SNRPC: variants seen among roughly 807,000 people sequenced by gnomAD.
SNRPC encodes the protein U1 small nuclear ribonucleoprotein C.
A neutral mutation model predicts 20.0 loss-of-function variants in SNRPC; 5 were observed. The observed-to-expected ratio is 0.25, with a 90% CI of 0.13 to 0.53. The LOEUF (loss-of-function observed/expected upper bound fraction) is 0.53, where lower values mean the gene tolerates loss of function less well. Among genes scored for constraint, SNRPC ranks in the 20% least tolerant of loss-of-function variants. The probability of loss-of-function intolerance (pLI) is 0.96; values close to 1 mark genes in which losing one functional copy is unlikely to be tolerated. For synonymous variants in SNRPC, 61 were observed against 58.7 expected (o/e 1.04, Z -0.18); for missense variants, 112 against 224.1 (o/e 0.50, Z 3.19).
intron 2 of SNRPC, among the ~76,000 whole-genome samples, chr6:34,759,886 C>G (rs1224953526): frequency 6.6e-6 from 1 of 152,148 alleles, no homozygotes; most frequent in Non-Finnish European, 1.5e-5. Context: ...AATCATAACT[C>G]TTTTTACAGC....
chr6:34,759,147 T>C (rs181910796), intron 2 of SNRPC, among the ~76,000 whole-genome samples: 73 of 152,276 alleles, frequency 4.8e-4, no homozygotes, highest in Non-Finnish European at 8.4e-4. Flanking sequence ...TTTTCCAAAA[T>C]TCTGATTTTT....
chr6:34,770,280 C>A lies in SNRPC; in HGVS notation c.251-11C>A. The A allele has an allele frequency of 1.3e-6, 2 of 1,579,298 alleles. No homozygotes were observed. Among genetic ancestry groups the A allele is most frequent in the Non-Finnish European group, 1.7e-6 (2 of 1,148,428 alleles). On this transcript the variant is annotated splice_polypyrimidine_tract_variant and intron_variant, in intron 4 of 5. Transcript: ENST00000244520. ...GCACACCTTAACCACAGGCTCCATT[C>A]TTTATTTCAGCGGGTCCTCCTCGCC...
chr6:34,760,528 G>C (rs972072096), intron 2 of SNRPC, among the ~76,000 whole-genome samples: 1 of 152,088 alleles, frequency 6.6e-6, no homozygotes, highest in African/African-American at 2.4e-5. Flanking sequence ...AATTGTTAAT[G>C]AGGGGGCTGT....
intron 3 of SNRPC, among the ~76,000 whole-genome samples, chr6:34,764,407 C>T (rs760974034): frequency 5.7e-4 from 86 of 151,198 alleles, no homozygotes; most frequent in Non-Finnish European, 9.4e-4. Flanking sequence ...ACCTGGGAGG[C>T]GGAGGTTGGG....
At position 34,758,212 on chromosome 6, in the gene SNRPC, A is replaced by T. The variant is rs182242769; in HGVS notation, c.51+258A>T. Among the ~76,000 whole-genome samples, 661 of 152,302 alleles carry T rather than the reference A, an allele frequency of 4.3e-3. 3 individuals are homozygous for T. The highest frequency in any genetic ancestry group is 8.5e-3 in the South Asian group (41 of 4,820). On this transcript the variant is annotated intron_variant, in intron 2 of 5. Coordinates refer to ENST00000244520, the MANE Select transcript of SNRPC (RefSeq NM_003093.3). ...GAGGTGAGAGAATTGCTTGAGGTCC[A>T]GGCTGCAGTGAGGCATGATCAGGCA... is the stretch of plus-strand genomic sequence containing the variant.
intron 2 of SNRPC, among the ~76,000 whole-genome samples, chr6:34,760,396 T>C (rs1287308005): frequency 6.6e-6 from 1 of 152,078 alleles, no homozygotes; most frequent in Non-Finnish European, 1.5e-5. Context: ...TTATCATACA[T>C]TGTCCTAGAA....
chr6:34,768,973 C>A (rs377004663), intron 4 of SNRPC, among the ~76,000 whole-genome samples: 7 of 152,144 alleles, frequency 4.6e-5, no homozygotes, highest in Admixed American at 3.3e-4. Context: ...TGCACACAAT[C>A]ACGGGTATAA....
At position 34,773,688 on chromosome 6, in the gene SNRPC, C is replaced by G. The variant is rs1375485465; in HGVS notation, c.*118C>G. The G allele has an allele frequency of 2.4e-6, 2 of 818,958 alleles. No individual in the cohort carries two copies. The highest frequency in any genetic ancestry group is 3.7e-6 in the Non-Finnish European group (2 of 540,916). The allele number at this position is 818,958 out of a possible 1,614,324, so 50.7% of individuals were successfully genotyped here. ...GCATAAGGAAGACTTGCTCCCCTGTCCTATGAAAGAGAATAGTTTTGGAGG... is the reference window on the plus strand; with the variant it reads ...GCATAAGGAAGACTTGCTCCCCTGTGCTATGAAAGAGAATAGTTTTGGAGG... On this transcript the variant is annotated 3_prime_UTR_variant, in exon 6 of 6. Transcript: ENST00000244520. The surrounding 1 kb of genome is among the most constrained non-coding windows in gnomAD (Gnocchi z 4.1).
intron 3 of SNRPC, among the ~76,000 whole-genome samples, chr6:34,764,883 T>G (rs1010930903): frequency 2.6e-5 from 4 of 151,722 alleles, no homozygotes; most frequent in African/African-American, 9.7e-5. Context: ...TACCTGGGTG[T>G]GGTGGCACAT....
Position 34,770,294 on chromosome 6 carries a change from GT to G in SNRPC, c.255del (p.Pro86LeufsTer6). 1 of 1,606,578 alleles carries G rather than the reference GT, an allele frequency of 6.2e-7. No homozygotes were observed. The highest frequency in any genetic ancestry group is 8.5e-7 in the Non-Finnish European group (1 of 1,173,192). On this transcript the variant is annotated frameshift_variant, in exon 5 of 6. Transcript: ENST00000244520. LOFTEE classifies it high-confidence loss of function. ...AMIPPPPSLP[G>X]PPRPGMMPAP... ...CAGGCTCCATTCTTTATTTCAGCGG[GT>G]CCTCCTCGCCCTGGTATGATGCCAG... is the stretch of plus-strand genomic sequence containing the variant.
chr6:34,764,487 A>AC (rs1248513657), intron 3 of SNRPC, among the ~76,000 whole-genome samples: 8 of 147,360 alleles, frequency 5.4e-5, no homozygotes, highest in East Asian at 2.0e-4. Context: ...AAAAACAAAC[A>AC]AAAAAAAACA....
chr6:34,758,811 G>A (rs531507595), intron 2 of SNRPC, among the ~76,000 whole-genome samples: 9 of 151,972 alleles, frequency 5.9e-5, no homozygotes, highest in Admixed American at 2.6e-4. Flanking sequence ...CGGATCACGA[G>A]GTCAGGAGAT....
At chr6:34,769,672 A>G (rs140047129) in intron 4 of SNRPC, among the ~76,000 whole-genome samples, 2 of 152,122 alleles carry the variant, frequency 1.3e-5, no homozygotes, top group African/African-American at 4.8e-5. Context: ...GCTTTTTGTC[A>G]GGAGCTCTAT....
At chr6:34,759,983 T>C (rs1049069953) in intron 2 of SNRPC, among the ~76,000 whole-genome samples, 1 of 152,206 alleles carries the variant, frequency 6.6e-6, no homozygotes, top group African/African-American at 2.4e-5. Context: ...GCCAGTGATT[T>C]TTCTATTGTC....
Position 34,762,603 on chromosome 6 carries a change from G to T in SNRPC, c.60G>T (p.Val20=). ...DTYLTHDSPS[V]RKTHCSGRKH... Reference sequence around the variant, plus strand: ...ATCTTTTTATTTTACAGCCATCTGTGAGAAAGACACACTGCAGTGGAAGGA... The same window carrying T: ...ATCTTTTTATTTTACAGCCATCTGTTAGAAAGACACACTGCAGTGGAAGGA... Residue 20 remains valine (V), a synonymous_variant, in exon 3 of 6, where the codon GTG becomes GTT. Transcript: ENST00000244520. 6.4e-7 allele frequency: 1 copy of T among 1,559,066 alleles called. No individual in the cohort carries two copies. Among genetic ancestry groups the T allele is most frequent in the South Asian group, 1.1e-5 (1 of 89,634 alleles).
chr6:34,762,833 G>A, intron 3 of SNRPC, 130 bp downstream of exon 3: 1 of 634,700 alleles, frequency 1.6e-6, no homozygotes, highest in Non-Finnish European at 2.9e-6. Context: ...TCGAATGAAA[G>A]AAGCAGAAGG....
intron 3 of SNRPC, among the ~76,000 whole-genome samples, chr6:34,764,468 C>A (rs1484306699): frequency 6.7e-6 from 1 of 149,234 alleles, no homozygotes; most frequent in Non-Finnish European, 1.5e-5. Flanking sequence ...AAGAGGGAAA[C>A]TCCGTCTCAA....
At chr6:34,766,129 G>T (rs1441251681) in intron 3 of SNRPC, among the ~76,000 whole-genome samples, 1 of 152,152 alleles carries the variant, frequency 6.6e-6, no homozygotes, top group African/African-American at 2.4e-5. Flanking sequence ...GGCATTAAAA[G>T]ATTTACAGTA....
chr6:34,771,949 T>C (rs9462015), intron 5 of SNRPC, among the ~76,000 whole-genome samples: 1 of 151,938 alleles, frequency 6.6e-6, no homozygotes, highest in East Asian at 1.9e-4. Context: ...TCTAAAGAAG[T>C]CTTCTAGAAC....
Sources: allele counts gnomAD v4.1 joint callset (sites outside exome capture counted in the v4.1 genomes callset), GRCh38; gene constraint gnomAD v4.1.1; non-coding constraint Gnocchi (gnomAD v3.1); transcripts MANE v1.5; gene names NCBI Gene and HGNC (gene_info 2026-07-23, HGNC 2026-07-21).